The following RIMS4 variants were observed in gnomAD, a reference collection of about 807,000 sequenced individuals.
RIMS4 encodes regulating synaptic membrane exocytosis 4.
In RIMS4, 9 loss-of-function variants were observed where a neutral mutation model predicts 29.0. That is an observed-to-expected ratio of 0.31 (90% CI 0.19 to 0.54). RIMS4 has a LOEUF of 0.54. RIMS4 is among the 20% of genes least tolerant of loss of function. RIMS4 has a pLI of 0.94. For synonymous variants in RIMS4, 130 were observed against 152.9 expected (o/e 0.85, Z 1.10); for missense variants, 193 against 365.7 (o/e 0.53, Z 3.85).
intron 1 of RIMS4, among the ~76,000 whole-genome samples, chr20:44,777,370 A>G (rs759647700): frequency 4.6e-5 from 7 of 152,392 alleles, no homozygotes; most frequent in Middle Eastern, 3.4e-3. Flanking sequence ...GCAAGTATTC[A>G]TAAGGAACAG....
At chr20:44,787,665 T>C (rs988721319) in intron 1 of RIMS4, among the ~76,000 whole-genome samples, 4 of 151,506 alleles carry the variant, frequency 2.6e-5, no homozygotes, top group Non-Finnish European at 5.9e-5. Context: ...GGGAGCTGCT[T>C]TTCCCCAGAG....
intron 1 of RIMS4, among the ~76,000 whole-genome samples, chr20:44,782,967 G>T (rs1348657941): frequency 6.6e-6 from 1 of 152,214 alleles, no homozygotes; most frequent in Admixed American, 6.5e-5. Flanking sequence ...TTGTGGGACT[G>T]AACTCAATGA....
chr20:44,770,490 A>T (rs988042973), intron 2 of RIMS4, among the ~76,000 whole-genome samples: 12 of 152,124 alleles, frequency 7.9e-5, no homozygotes, highest in African/African-American at 2.9e-4. Context: ...ACTGGGCCCA[A>T]TGCTTTCCTG....
At chr20:44,809,246 C>A (rs1303159883) in intron 1 of RIMS4, among the ~76,000 whole-genome samples, 3 of 148,326 alleles carry the variant, frequency 2.0e-5, no homozygotes, top group Admixed American at 6.7e-5. Flanking sequence ...CTTTGGGGAA[C>A]TCTCACCCAA....
intron 1 of RIMS4, among the ~76,000 whole-genome samples, chr20:44,788,265 C>T (rs1246197067): frequency 2.6e-5 from 4 of 152,206 alleles, no homozygotes; most frequent in Non-Finnish European, 5.9e-5. Context: ...ATTCAGTCCT[C>T]AGTTGCAGGG....
chr20:44,790,572 C>T (rs2066228638), intron 1 of RIMS4, among the ~76,000 whole-genome samples: 2 of 152,260 alleles, frequency 1.3e-5, no homozygotes, highest in South Asian at 2.1e-4. Flanking sequence ...CCACTCCAGG[C>T]TGTGACAATG....
chr20:44,764,062 CCA>C (rs2066098438), intron 2 of RIMS4, among the ~76,000 whole-genome samples: 6 of 150,510 alleles, frequency 4.0e-5, no homozygotes, highest in African/African-American at 1.2e-4. Context: ...ATCCATCCAT[CCA>C]TTTATCCATC....
intron 1 of RIMS4, among the ~76,000 whole-genome samples, chr20:44,786,914 A>G (rs1307723184): frequency 1.3e-5 from 2 of 152,188 alleles, no homozygotes; most frequent in African/African-American, 4.8e-5. Context: ...CATGTCCAAC[A>G]CGGTTCTAGG....
rs1157666306 is a variant in RIMS4 at position 44,751,990 on chromosome 20, AC to A, written c.*4143del. ...ATGGAGAGAGGCCCCCAGCCTAAGG[AC>A]CCAGGCTCCTGCCTTCCCACCACCC... On this transcript the variant is annotated 3_prime_UTR_variant, in exon 6 of 6. Coordinates refer to ENST00000372851, the MANE Select transcript of RIMS4 (RefSeq NM_182970.4). 2.6e-5 allele frequency: 4 copies of A among 152,108 alleles called. No homozygotes were observed. The highest frequency in any genetic ancestry group is 5.9e-5 in the Non-Finnish European group (4 of 68,090). The allele number at this position is 152,108 out of a possible 1,614,324, so 9.4% of individuals were successfully genotyped here. A position where few individuals can be genotyped will look rare whatever the true frequency, so the allele number is the denominator to read the frequency against.
chr20:44,769,112 G>A (rs1160970115), intron 2 of RIMS4, among the ~76,000 whole-genome samples: 3 of 152,090 alleles, frequency 2.0e-5, no homozygotes, highest in Non-Finnish European at 2.9e-5. Flanking sequence ...GGGCAGTCTC[G>A]TTTTTGAGTC....
At position 44,755,209 on chromosome 20, in the gene RIMS4, T is replaced by C. The variant is rs2066053923; in HGVS notation, c.*925A>G. The C allele has an allele frequency of 2.6e-5, 4 of 152,410 alleles. No individual in the cohort carries two copies. Among genetic ancestry groups the C allele is most frequent in the Admixed American group, 2.6e-4 (4 of 15,278 alleles). The allele number at this position is 152,410 out of a possible 1,614,324, so 9.4% of individuals were successfully genotyped here. A position where few individuals can be genotyped will look rare whatever the true frequency, so the allele number is the denominator to read the frequency against. ...GTAGACAGGATGACCATTGACCTCA[T>C]GCAACAAGGAGGGGTTCTCCAATTT... On this transcript the variant is annotated 3_prime_UTR_variant, in exon 6 of 6. Transcript: ENST00000372851.
At chr20:44,795,907 C>CA (rs1175674504) in intron 1 of RIMS4, among the ~76,000 whole-genome samples, 1 of 151,970 alleles carries the variant, frequency 6.6e-6, no homozygotes, top group African/African-American at 2.4e-5. Flanking sequence ...CTGGAAAATA[C>CA]AAAAAAAGCA....
At chr20:44,769,878 T>A (rs931597759) in intron 2 of RIMS4, among the ~76,000 whole-genome samples, 6 of 152,168 alleles carry the variant, frequency 3.9e-5, no homozygotes, top group Non-Finnish European at 5.9e-5. Context: ...TCAGTGGCTG[T>A]GTGTCTGTCC....
At chr20:44,803,741 C>T (rs2066286652) in intron 1 of RIMS4, among the ~76,000 whole-genome samples, 1 of 152,240 alleles carries the variant, frequency 6.6e-6, no homozygotes, top group Non-Finnish European at 1.5e-5. Context: ...TATAATCCAG[C>T]ACTGGCCTAC....
rs1291215995 is a variant in RIMS4 at position 44,757,437 on chromosome 20, G to A, written c.451+233C>T. On this transcript the variant is annotated intron_variant, in intron 4 of 5. Transcript: ENST00000372851. ...GGGTATAATGATAAGCTGGAAAGAT[G>A]GTCCCTGCCTTCCAGGAGCTCAGTC... is the stretch of plus-strand genomic sequence containing the variant. 2.0e-5 allele frequency among the ~76,000 whole-genome samples: 3 copies of A among 152,056 alleles called. No individual in the cohort carries two copies. The East Asian group carries it at 5.8e-4, about 29-fold the overall frequency.
chr20:44,762,295 T>C (rs1022178904), intron 2 of RIMS4, among the ~76,000 whole-genome samples: 15 of 152,112 alleles, frequency 9.9e-5, no homozygotes, highest in African/African-American at 3.6e-4. Context: ...GGGAGGCCCC[T>C]GGGGTTGGGG....
intron 1 of RIMS4, among the ~76,000 whole-genome samples, chr20:44,802,339 T>C (rs1330880083): frequency 6.6e-6 from 1 of 152,200 alleles, no homozygotes; most frequent in African/African-American, 2.4e-5. Flanking sequence ...TATTTACTAT[T>C]ATTATGCCCC....
At chr20:44,761,204 C>G (rs1485212291) in intron 2 of RIMS4, among the ~76,000 whole-genome samples, 1 of 152,174 alleles carries the variant, frequency 6.6e-6, no homozygotes, top group Non-Finnish European at 1.5e-5. Context: ...GTGCTCTATA[C>G]TTATTAATTC....
At chr20:44,786,300 G>C (rs1177166680) in intron 1 of RIMS4, among the ~76,000 whole-genome samples, 3 of 152,134 alleles carry the variant, frequency 2.0e-5, no homozygotes, top group African/African-American at 4.8e-5. Flanking sequence ...ACTGCTCCAT[G>C]GTTGGCCAAG....
Sources: gnomAD v4.1 joint callset for allele counts (sites outside exome capture counted in the v4.1 genomes callset) on GRCh38, gnomAD v4.1.1 for gene constraint, MANE v1.5 for transcripts, NCBI Gene and HGNC (gene_info 2026-07-23, HGNC 2026-07-21) for gene names.